Variants in WDR47 observed in about 807,000 individuals in gnomAD.
The protein encoded by WDR47 is WD repeat domain 47, also known as WD repeat-containing protein 47.
In WDR47, 32 loss-of-function variants were observed where a neutral mutation model predicts 97.2. The observed-to-expected ratio is 0.33, with a 90% confidence interval of 0.25 to 0.44. The LOEUF (loss-of-function observed/expected upper bound fraction) is 0.44. Ranked by LOEUF, WDR47 falls within the 20% of genes least tolerant of loss-of-function variation. WDR47 has a pLI of 1.00. For synonymous variants in WDR47, 375 were observed against 373.5 expected (o/e 1.00, Z -0.05); for missense variants, 782 against 1,102.3 (o/e 0.71, Z 4.11).
intron 1 of WDR47, among the ~76,000 whole-genome samples, chr1:109,026,850 A>G (rs545957790): frequency 2.0e-5 from 3 of 152,312 alleles, no homozygotes; most frequent in East Asian, 1.9e-4. Context: ...TTAATGTTGC[A>G]GTCATTTTTG....
intron 7 of WDR47, among the ~76,000 whole-genome samples, chr1:109,000,082 A>T (rs2101895647): frequency 1.3e-5 from 2 of 152,226 alleles, no homozygotes; most frequent in Middle Eastern, 3.4e-3. Context: ...ACGATGACTC[A>T]TGCCTGTAAT....
intron 7 of WDR47, 83 bp downstream of exon 7, chr1:109,002,141 T>A (rs1465605802): frequency 7.1e-7 from 1 of 1,404,888 alleles, no homozygotes; most frequent in African/African-American, 1.4e-5. Flanking sequence ...AATGTCAAAC[T>A]ATACATAGAA....
At chr1:109,041,160 C>G (rs1211759507) in intron 1 of WDR47, among the ~76,000 whole-genome samples, 3 of 151,726 alleles carry the variant, frequency 2.0e-5, no homozygotes, top group African/African-American at 7.3e-5. Flanking sequence ...ATGGCCTCGC[C>G]CCAGAGCTAG....
At chr1:109,021,915 A>G (rs933560482) in intron 2 of WDR47, among the ~76,000 whole-genome samples, 1 of 151,862 alleles carries the variant, frequency 6.6e-6, no homozygotes, top group Non-Finnish European at 1.5e-5. Flanking sequence ...TGGCACCATC[A>G]TGGCTCACTG....
intron 1 of WDR47, among the ~76,000 whole-genome samples, chr1:109,037,661 T>C (rs1663056264): frequency 6.6e-6 from 1 of 150,388 alleles, no homozygotes; most frequent in Admixed American, 6.6e-5. Context: ...CCCAATTCTA[T>C]AAAATTTTCT....
intron 7 of WDR47, among the ~76,000 whole-genome samples, chr1:109,001,318 TTAAA>T (rs1165733560): frequency 2.6e-5 from 4 of 151,562 alleles, no homozygotes; most frequent in African/African-American, 4.9e-5. Flanking sequence ...AATTAATTAA[TTAAA>T]TAAAATAATA....
At chr1:109,004,746 A>G in intron 5 of WDR47, 31 bp from the exon 6 acceptor site, 1 of 1,568,516 alleles carries the variant, frequency 6.4e-7, no homozygotes, top group Non-Finnish European at 8.6e-7. Flanking sequence ...AAAAACAAAA[A>G]GGCAGAGGGG....
intron 11 of WDR47, 45 bp from the exon 12 acceptor site, chr1:108,982,824 T>TA (rs752822507): frequency 6.4e-7 from 1 of 1,557,444 alleles, no homozygotes; most frequent in Admixed American, 2.0e-5. Flanking sequence ...CTGCTCAACT[T>TA]ACTGTGATAA....
At chr1:108,978,411 G>A (rs922561489) in intron 13 of WDR47, among the ~76,000 whole-genome samples, 1 of 151,824 alleles carries the variant, frequency 6.6e-6, no homozygotes, top group African/African-American at 2.4e-5. Flanking sequence ...CCCGGGAGGC[G>A]GAGCTTGCAG....
chr1:109,007,493 T>A (rs1489645827), intron 5 of WDR47, among the ~76,000 whole-genome samples: 1 of 152,162 alleles, frequency 6.6e-6, no homozygotes, highest in African/African-American at 2.4e-5. Flanking sequence ...AAAATATATT[T>A]TAAAATAGGT....
intron 1 of WDR47, among the ~76,000 whole-genome samples, chr1:109,038,109 C>T (rs1019439057): frequency 2.6e-5 from 4 of 152,108 alleles, no homozygotes; most frequent in African/African-American, 9.7e-5. Flanking sequence ...AAAATGCTCG[C>T]ATTACAGGTA....
chr1:109,010,806 T>C (rs1218228374), intron 5 of WDR47, 110 bp downstream of exon 5: 1 of 1,049,330 alleles, frequency 9.5e-7, no homozygotes, highest in Non-Finnish European at 1.4e-6. Flanking sequence ...ATGGTCTCAA[T>C]CTCCTGACCT....
At chr1:108,991,718 C>A (rs1258000075) in intron 8 of WDR47, among the ~76,000 whole-genome samples, 3 of 152,126 alleles carry the variant, frequency 2.0e-5, no homozygotes, top group African/African-American at 4.8e-5. Flanking sequence ...GTTTAGGGTA[C>A]CTTAGTAAAA....
At chr1:109,023,303 CT>C (rs1357271038) in intron 2 of WDR47, 51 bp downstream of exon 2, 7 of 1,566,878 alleles carry the variant, frequency 4.5e-6, no homozygotes, top group Non-Finnish European at 8.7e-7. Flanking sequence ...CTTATTAATA[CT>C]TAACATTTCT....
chr1:109,039,500 C>T (rs571042119), intron 1 of WDR47, among the ~76,000 whole-genome samples: 1 of 152,208 alleles, frequency 6.6e-6, no homozygotes, highest in Non-Finnish European at 1.5e-5. Flanking sequence ...TCACGTGATC[C>T]GCCCGCTTTG....
intron 7 of WDR47, among the ~76,000 whole-genome samples, chr1:109,002,000 G>A (rs1399353676): frequency 6.6e-6 from 1 of 152,132 alleles, no homozygotes; most frequent in Non-Finnish European, 1.5e-5. Flanking sequence ...GCTGTTCAGT[G>A]CACTGAACCT....
At chr1:108,974,261 G>A (rs926453559) in intron 14 of WDR47, among the ~76,000 whole-genome samples, 7 of 151,574 alleles carry the variant, frequency 4.6e-5, no homozygotes, top group East Asian at 3.9e-4. Flanking sequence ...AGACGAAGGC[G>A]GATGGATCAC....
chr1:109,005,554 G>A (rs1660532806), intron 5 of WDR47, among the ~76,000 whole-genome samples: 1 of 152,214 alleles, frequency 6.6e-6, no homozygotes, highest in Non-Finnish European at 1.5e-5. Context: ...TAGGCAGGGA[G>A]AGTGAGAGCA....
chr1:109,015,969 T>G (rs1661384361), intron 3 of WDR47, among the ~76,000 whole-genome samples: 2 of 118,320 alleles, frequency 1.7e-5, no homozygotes, highest in African/African-American at 3.3e-5. Flanking sequence ...GGTGACAGAG[T>G]GAGACTCCAT....
Sources: gnomAD v4.1 joint callset for allele counts (sites outside exome capture counted in the v4.1 genomes callset) on GRCh38, gnomAD v4.1.1 for gene constraint, MANE v1.5 for transcripts, NCBI Gene and HGNC (gene_info 2026-07-23, HGNC 2026-07-21) for gene names.